Variants in LTBP4 observed in about 807,000 individuals in gnomAD.
LTBP4 encodes latent-transforming growth factor beta-binding protein 4.
LTBP4 carries 93 observed loss-of-function variants against 180.2 expected under a neutral mutation model. That is an observed-to-expected ratio of 0.52 (90% confidence interval 0.44 to 0.61). The LOEUF (loss-of-function observed/expected upper bound fraction) is 0.61, where lower values mean the gene tolerates loss of function less well. LTBP4 is among the 20% of genes least tolerant of loss of function. The pLI, the probability that LTBP4 is intolerant of heterozygous loss-of-function variation, is 0.00. For synonymous variants in LTBP4, 947 were observed against 934.5 expected, an observed-to-expected ratio of 1.01 and a Z score of -0.24; for missense variants, 2,116 against 2,256.5, an observed-to-expected ratio of 0.94 and a Z score of 1.26.
In LTBP4 at chr19:40,609,591, C is replaced by G; in HGVS notation, c.1488C>G (p.Ser496=). The part of the protein sequence containing the change: ...PQVCGPGRCI[S]RPSGYTCACD... The stretch of plus-strand genomic sequence containing the variant: ...TCTGCGGCCCAGGACGCTGCATTTC[C>G]CGGCCCAGCGGCTACACCTGCGCTT... Residue 496 remains serine, a synonymous_variant, in exon 10 of 30, where the codon TCC becomes TCG. Transcript: ENST00000396819. This position sits in a 1 kb window ranked among gnomAD's most constrained non-coding sequence, Gnocchi z 4.9. 1 of 1,613,528 alleles carries G rather than the reference C, an allele frequency of 6.2e-7. No homozygotes were observed. The highest frequency in any genetic ancestry group is 8.5e-7 in the Non-Finnish European group (1 of 1,179,854).
rs1269620165 is a variant in LTBP4, at chr19:40,611,707, C to T, written c.2054-152C>T. On this transcript the variant is annotated intron_variant, in intron 13 of 29. Transcript: ENST00000396819. The surrounding 1 kb of genome is among the most constrained non-coding windows in gnomAD (Gnocchi z 4.4). ...AGCTGGAGAGACCATTGAATGGGGA[C>T]ACGAGGAAGGTGTCTGTCTTCCTGG... Among the ~76,000 whole-genome samples, 3 of 152,094 alleles carry T rather than the reference C, an allele frequency of 2.0e-5. No individual in the cohort carries two copies. The highest frequency in any genetic ancestry group is 4.4e-5 in the Non-Finnish European group (3 of 68,010).
chr19:40,601,897 G>T (rs1329198320), intron 1 of LTBP4, among the ~76,000 whole-genome samples: 1 of 152,016 alleles, frequency 6.6e-6, no homozygotes, highest in South Asian at 2.1e-4. Context: ...CAGCTTTCAT[G>T]CTTTGCGTCA....
At chr19:40,610,839 A>T (rs2081500698) in intron 12 of LTBP4, 182 bp downstream of exon 12, 1 of 930,268 alleles carries the variant, frequency 1.1e-6, no homozygotes, top group Non-Finnish European at 1.6e-6. Context: ...AGGCCAAGTG[A>T]TGGGAAACAG....
At position 40,622,243 on chromosome 19, in the gene LTBP4, C is replaced by T; in HGVS notation, c.3218-158C>T. Reference sequence around the variant, plus strand: ...GAGGTGACAGTGGGAGAAAGAGAAACAGTGACAGAGGAGCGTGAGAGGTGT... The same window carrying T: ...GAGGTGACAGTGGGAGAAAGAGAAATAGTGACAGAGGAGCGTGAGAGGTGT... On this transcript the variant is annotated intron_variant, in intron 22 of 29. Transcript: ENST00000396819. The surrounding 1 kb of genome is among the most constrained non-coding windows in gnomAD (Gnocchi z 5.1). 1.4e-6 allele frequency: 1 copy of T among 734,378 alleles called. No individual in the cohort carries two copies. The highest frequency in any genetic ancestry group is 3.6e-4 in the Middle Eastern group (1 of 2,816). The allele number at this position is 734,378 out of a possible 1,614,324, so 45.5% of individuals were successfully genotyped here. A position where few individuals can be genotyped will look rare whatever the true frequency, so the allele number is the denominator to read the frequency against.
At chr19:40,621,152 A>G (rs1261934595) in intron 22 of LTBP4, among the ~76,000 whole-genome samples, 1 of 152,124 alleles carries the variant, frequency 6.6e-6, no homozygotes, top group Non-Finnish European at 1.5e-5. Flanking sequence ...CATATTGGTC[A>G]GGCTGGTCTC....
In LTBP4 at chr19:40,609,912, G is replaced by T. The variant is rs1334116435; in HGVS notation, c.1684+41G>T. On this transcript the variant is annotated intron_variant, in intron 11 of 29. Transcript: ENST00000396819. This position sits in a 1 kb window ranked among gnomAD's most constrained non-coding sequence, Gnocchi z 4.9. Reference sequence around the variant, plus strand: ...CACCCGGCTCCAGGCCCACCCCAGGGTCTCGCTCCTGCTCTCACTCCAGAG... The same window carrying T: ...CACCCGGCTCCAGGCCCACCCCAGGTTCTCGCTCCTGCTCTCACTCCAGAG... 2 of 1,489,576 alleles carry T rather than the reference G, an allele frequency of 1.3e-6. No individual in the cohort carries two copies. Among genetic ancestry groups the T allele is most frequent in the East Asian group, 2.5e-5 (1 of 40,606 alleles). The allele number at this position is 1,489,576 out of a possible 1,614,324, so 92.3% of individuals were successfully genotyped here.
intron 24 of LTBP4, among the ~76,000 whole-genome samples, 167 bp downstream of exon 24, chr19:40,623,188 T>TC (rs2081599420): frequency 2.0e-5 from 3 of 151,446 alleles, no homozygotes; most frequent in South Asian, 4.2e-4. Context: ...TTTTTTTTTT[T>TC]CTTAAGATAG....
intron 26 of LTBP4, among the ~76,000 whole-genome samples, chr19:40,624,877 C>T (rs1162700384): frequency 1.3e-5 from 2 of 151,792 alleles, no homozygotes; most frequent in Admixed American, 6.6e-5. Flanking sequence ...ATTTCTGACA[C>T]CCTCTGGATC....
At chr19:40,610,490 G>C (rs1261029232) in intron 11 of LTBP4, 42 bp from the exon 12 acceptor site, 1 of 1,562,046 alleles carries the variant, frequency 6.4e-7, no homozygotes, top group Non-Finnish European at 8.7e-7. Flanking sequence ...CTTCTCCCGG[G>C]GCTGTCTGCC....
rs2081663711 is a variant in LTBP4, at chr19:40,629,584, G to A, written c.*34G>A. ...ACCCGCTGGCCGCCCACCCGCGCCC[G>A]CCACTCGGGGCCCCTGCCGCGCATC... On this transcript the variant is annotated 3_prime_UTR_variant, in exon 30 of 30. Coordinates refer to ENST00000396819, the MANE Select transcript of LTBP4 (RefSeq NM_001042545.2). This position sits in a 1 kb window ranked among gnomAD's most constrained non-coding sequence, Gnocchi z 4.5. 4.5e-6 allele frequency: 6 copies of A among 1,344,112 alleles called. No individual in the cohort carries two copies. The highest frequency in any genetic ancestry group is 1.6e-5 in the African/African-American group (1 of 64,108). 83.3% of individuals were successfully genotyped at this position (1,344,112 alleles called of 1,614,324 possible). A position where few individuals can be genotyped will look rare whatever the true frequency, so the allele number is the denominator to read the frequency against.
chr19:40,614,578 C>T, intron 19 of LTBP4, 132 bp downstream of exon 19: 2 of 1,212,088 alleles, frequency 1.7e-6, no homozygotes, highest in Admixed American at 5.5e-5. Context: ...CACCGTATCT[C>T]TGTAGTGGAA....
chr19:40,595,849 T>C (rs2146007913), intron 1 of LTBP4, among the ~76,000 whole-genome samples: 1 of 148,982 alleles, frequency 6.7e-6, no homozygotes, highest in Non-Finnish European at 1.5e-5. Context: ...TCCTACCTCA[T>C]CCTCCCGAGT....
At chr19:40,596,875 C>T (rs561651996), upstream of LTBP4, among the ~76,000 whole-genome samples, 2 of 152,196 alleles carry the variant, frequency 1.3e-5, no homozygotes, top group South Asian at 4.1e-4. Flanking sequence ...GGGGACCCTG[C>T]CCCCAACCCC....
Position 40,627,339 on chromosome 19 carries a change from A to G in LTBP4, c.4350A>G (p.Glu1450=). ...TCCCAGAGCCCGAGGAGCCTCCTGA[A>G]GGTGGAAGCTATGCTGGTGAGCACT... ...RSFPEPEEPP[E]GGSYAGSLAE... is the part of the protein sequence containing the mutation. Residue 1450 remains glutamate (E), a synonymous_variant, in exon 28 of 30, where the codon GAA becomes GAG. Transcript: ENST00000396819. 6.6e-7 allele frequency: 1 copy of G among 1,513,354 alleles called. No individual in the cohort carries two copies. Among genetic ancestry groups the G allele is most frequent in the Non-Finnish European group, 8.8e-7 (1 of 1,132,950 alleles). 93.7% of individuals were successfully genotyped at this position (1,513,354 alleles called of 1,614,324 possible).
chr19:40,622,844 C>G lies in LTBP4; in HGVS notation c.3485-106C>G. The G allele has an allele frequency of 4.3e-6, 6 of 1,402,004 alleles. No homozygotes were observed. Among genetic ancestry groups the G allele is most frequent in the Non-Finnish European group, 5.8e-6 (6 of 1,026,902 alleles). The allele number at this position is 1,402,004 out of a possible 1,614,324, so 86.8% of individuals were successfully genotyped here. On this transcript the variant is annotated intron_variant, in intron 23 of 29. Coordinates refer to ENST00000396819, the MANE Select transcript of LTBP4 (RefSeq NM_001042545.2). This position sits in a 1 kb window ranked among gnomAD's most constrained non-coding sequence, Gnocchi z 5.1. ...CAGACATAAGGCTGAGAGGTGGGCA[C>G]TAACAGGCACAGGGCCAGAGGGACT...
At chr19:40,600,118 G>A, upstream of LTBP4, 3 of 1,258,734 alleles carry the variant, frequency 2.4e-6, no homozygotes, top group South Asian at 3.7e-5. This position sits in a 1 kb window ranked among gnomAD's most constrained non-coding sequence, Gnocchi z 4.4. Context: ...CGGGGGCCAG[G>A]GGGCCGGGGA....
At chr19:40,627,591 A>G in intron 28 of LTBP4, 114 bp from the exon 29 acceptor site, 2 of 1,396,680 alleles carry the variant, frequency 1.4e-6, no homozygotes, top group South Asian at 1.3e-5. Flanking sequence ...ACAGCCCTGG[A>G]GCGGGATGGA....
rs2081620806 is a variant in LTBP4 at position 40,625,285 on chromosome 19, TATATATATATATATA to T, written c.3833-571_3833-557del. 6.5e-4 allele frequency among the ~76,000 whole-genome samples: 6 copies of T among 9,266 alleles called. No homozygotes were observed. In the African/African-American group the frequency reaches 7.0e-3, roughly 11 times the overall value. The allele number at this position is 9,266 out of a possible 152,430, so 6.1% of individuals were successfully genotyped here. A position where few individuals can be genotyped will look rare whatever the true frequency, so the allele number is the denominator to read the frequency against. ...ATATATATATATATATATATATATATATATATATATATATATATATATATATATATATTTTTTTTT... is the reference window on the plus strand; with the variant it reads ...ATATATATATATATATATATATATATTATATATATATATATATTTTTTTTT... On this transcript the variant is annotated intron_variant, in intron 26 of 29. Coordinates refer to ENST00000396819, the MANE Select transcript of LTBP4 (RefSeq NM_001042545.2).
At chr19:40,607,291 CCT>C in intron 6 of LTBP4, 72 bp from the exon 7 acceptor site, 3 of 1,356,900 alleles carry the variant, frequency 2.2e-6, no homozygotes, top group South Asian at 1.3e-5. Flanking sequence ...GAACCATTCC[CCT>C]CTCTCCCAAA....
Sources: allele counts gnomAD v4.1 joint callset (sites outside exome capture counted in the v4.1 genomes callset), GRCh38; gene constraint gnomAD v4.1.1; non-coding constraint Gnocchi (gnomAD v3.1); transcripts MANE v1.5; gene names NCBI Gene and HGNC (gene_info 2026-07-23, HGNC 2026-07-21).